The following HEPH variants were observed in gnomAD, a reference collection of about 807,000 sequenced individuals.
HEPH encodes the protein hephaestin.
A neutral mutation model predicts 80.8 loss-of-function variants in HEPH; 69 were observed. The ratio of observed to expected loss-of-function variants is 0.85; its 90% confidence interval spans 0.70 to 1.04. The LOEUF is 1.04. Ranked by LOEUF, HEPH falls within the 50% of genes least tolerant of loss-of-function variation. The pLI, the probability that HEPH is intolerant of heterozygous loss-of-function variation, is 0.00. For missense variants in HEPH, 1,115 were observed against 891.3 expected, an observed-to-expected ratio of 1.25 and a Z score of -3.20; for synonymous variants, 431 against 322.8, an observed-to-expected ratio of 1.34 and a Z score of -3.60.
intron 17 of HEPH, among the ~76,000 whole-genome samples, chrX:66,258,006 T>C (rs899277563): frequency 8.9e-6 from 1 of 112,056 alleles, no homozygotes; most frequent in Non-Finnish European, 1.9e-5. Flanking sequence ...ATATCATTAT[T>C]AATTCTATGC....
At chrX:66,212,780 G>A (rs897046722) in intron 15 of HEPH, among the ~76,000 whole-genome samples, 10 of 109,978 alleles carry the variant, frequency 9.1e-5, no homozygotes, top group Non-Finnish European at 1.7e-4. Context: ...TTATTTATTT[G>A]TTTATGGCTC....
intron 12 of HEPH, among the ~76,000 whole-genome samples, chrX:66,202,011 G>A (rs946005787): frequency 8.1e-5 from 9 of 111,793 alleles, no homozygotes; most frequent in South Asian, 3.8e-4. Context: ...AAAGAGAGGG[G>A]CACTTAGCCC....
In HEPH at chrX:66,190,039, G is replaced by T. The variant is rs917784559; in HGVS notation, c.1063+101G>T. 1.9e-5 allele frequency: 16 copies of T among 862,375 alleles called. No homozygotes were observed. In the African/African-American group the frequency reaches 3.2e-4, roughly 17 times the overall value. The allele number at this position is 862,375 out of a possible 1,213,427, so 71.1% of individuals were successfully genotyped here. On this transcript the variant is annotated intron_variant, in intron 6 of 20. Transcript: ENST00000343002. ...CCTGAAGCCATAAATAAGTCCTCCAGTTGAGGCATCTTGGGATAAAGGATA... is the reference window on the plus strand; with the variant it reads ...CCTGAAGCCATAAATAAGTCCTCCATTTGAGGCATCTTGGGATAAAGGATA...
intron 15 of HEPH, among the ~76,000 whole-genome samples, chrX:66,214,633 T>G (rs1344892489): frequency 9.0e-6 from 1 of 111,608 alleles, no homozygotes; most frequent in Non-Finnish European, 1.9e-5. Flanking sequence ...AAGTTTCTTT[T>G]TTCACATTCA....
In HEPH at chrX:66,179,432, C is replaced by T. The variant is rs182872643; in HGVS notation, c.625+5631C>T. 1.3e-4 allele frequency among the ~76,000 whole-genome samples: 15 copies of T among 111,744 alleles called. 1 individual carries two copies. In the East Asian group the frequency reaches 4.2e-3, roughly 31 times the overall value. On this transcript the variant is annotated intron_variant, in intron 4 of 20. Transcript: ENST00000343002. Reference sequence around the variant, plus strand: ...TAGGATTGACTTGGCAATGCGGGCTCTTTTTTGGTTCCTTATGAACTTTAT... The same window carrying T: ...TAGGATTGACTTGGCAATGCGGGCTTTTTTTTGGTTCCTTATGAACTTTAT...
intron 15 of HEPH, among the ~76,000 whole-genome samples, chrX:66,246,022 A>G (rs1056747648): frequency 1.8e-5 from 2 of 112,057 alleles, no homozygotes; most frequent in Non-Finnish European, 3.8e-5. Flanking sequence ...GTCAGCTGTA[A>G]TCTGCTGTCG....
intron 8 of HEPH, 131 bp downstream of exon 8, chrX:66,193,769 T>C (rs764187789): frequency 4.9e-6 from 2 of 412,032 alleles, no homozygotes; most frequent in Non-Finnish European, 8.1e-6. Context: ...TCTTATGAGA[T>C]GATTGTTTTG....
chrX:66,241,851 C>G (rs190344294), intron 15 of HEPH, among the ~76,000 whole-genome samples: 111 of 110,759 alleles, frequency 1.0e-3, no homozygotes, highest in African/African-American at 3.5e-3. Flanking sequence ...AAACACCACT[C>G]AAAGAAATCA....
chrX:66,228,145 G>T (rs2089969904), intron 15 of HEPH, among the ~76,000 whole-genome samples: 1 of 111,479 alleles, frequency 9.0e-6, no homozygotes, highest in Non-Finnish European at 1.9e-5. Context: ...CATCCCACAT[G>T]GCAGCAGAAA....
At chrX:66,168,850 A>G (rs1005332466) in intron 1 of HEPH, among the ~76,000 whole-genome samples, 2 of 111,897 alleles carry the variant, frequency 1.8e-5, no homozygotes, top group Admixed American at 9.6e-5. Context: ...ATTATCATTA[A>G]TATAATCTAT....
intron 15 of HEPH, among the ~76,000 whole-genome samples, chrX:66,245,321 G>T (rs2090761707): frequency 9.0e-6 from 1 of 111,046 alleles, no homozygotes; most frequent in African/African-American, 3.3e-5. Context: ...AAAGGCAGGG[G>T]TTGCAATCCT....
At chrX:66,254,181 C>T (rs1051133438) in intron 15 of HEPH, among the ~76,000 whole-genome samples, 3 of 111,180 alleles carry the variant, frequency 2.7e-5, no homozygotes, top group Admixed American at 9.6e-5. Flanking sequence ...GGCAGAGAAA[C>T]ATGTTAGGAA....
At chrX:66,203,698 G>C in intron 13 of HEPH, 121 bp downstream of exon 13, 1 of 557,709 alleles carries the variant, frequency 1.8e-6, no homozygotes, top group Non-Finnish European at 2.9e-6. Context: ...CAACAGATTT[G>C]GGAGATGGGG....
intron 15 of HEPH, among the ~76,000 whole-genome samples, chrX:66,246,808 G>A (rs184587548): frequency 3.6e-5 from 4 of 112,106 alleles, no homozygotes; most frequent in Admixed American, 1.9e-4. Flanking sequence ...TGGTTTCTCT[G>A]TTGATTGGCC....
chrX:66,167,930 T>C (rs369612192), intron 1 of HEPH, among the ~76,000 whole-genome samples: 3 of 112,378 alleles, frequency 2.7e-5, no homozygotes, highest in East Asian at 2.8e-4. Context: ...AAATGTATAC[T>C]TGTGCTTCTT....
intron 20 of HEPH, 88 bp downstream of exon 20, chrX:66,263,776 A>C (rs2091440715): frequency 1.1e-6 from 1 of 877,072 alleles, no homozygotes. Context: ...TATGGGACTT[A>C]TGTGACTGAG....
At chrX:66,179,328 A>G (rs1034494374) in intron 4 of HEPH, among the ~76,000 whole-genome samples, 2 of 111,836 alleles carry the variant, frequency 1.8e-5, no homozygotes, top group Non-Finnish European at 3.8e-5. Context: ...TACCAGTACC[A>G]TGCTGTTTTG....
chrX:66,233,468 A>G (rs1032243806), intron 15 of HEPH, among the ~76,000 whole-genome samples: 2 of 111,469 alleles, frequency 1.8e-5, no homozygotes, highest in Admixed American at 9.6e-5. Flanking sequence ...CTTAATTGCC[A>G]GCTATTTGTG....
chrX:66,232,298 G>T (rs2090181909), intron 15 of HEPH, among the ~76,000 whole-genome samples: 1 of 111,216 alleles, frequency 9.0e-6, no homozygotes, highest in Admixed American at 9.6e-5. Flanking sequence ...CTCATAAAAT[G>T]AGTTAGGGAG....
Sources: gnomAD v4.1 joint callset for allele counts (sites outside exome capture counted in the v4.1 genomes callset) on GRCh38, gnomAD v4.1.1 for gene constraint, MANE v1.5 for transcripts, NCBI Gene and HGNC (gene_info 2026-07-23, HGNC 2026-07-21) for gene names.